The following ARHGAP35 variants were observed in gnomAD, a reference collection of about 807,000 sequenced individuals.
The protein encoded by ARHGAP35 is Rho GTPase activating protein 35.
Under a neutral mutation model 111.1 loss-of-function variants are expected in ARHGAP35, and 15 were observed. That is an observed-to-expected ratio of 0.13 (90% CI 0.09 to 0.21). The LOEUF is 0.21. Ranked by LOEUF, ARHGAP35 falls within the 10% of genes least tolerant of loss-of-function variation. The pLI is 1.00. For synonymous variants in ARHGAP35, 643 were observed against 710.3 expected (o/e 0.91, Z 1.51); for missense variants, 1,262 against 1,873.0 (o/e 0.67, Z 6.02).
At chr19:46,998,722 G>T (rs531473288) in intron 5 of ARHGAP35, among the ~76,000 whole-genome samples, 1 of 152,394 alleles carries the variant, frequency 6.6e-6, no homozygotes, top group Non-Finnish European at 1.5e-5. Flanking sequence ...GATAGGCAAA[G>T]TGTGGGCGTT....
In ARHGAP35 at chr19:46,988,240, G is replaced by C. The variant is rs757619393; in HGVS notation, c.3904+174G>C. On this transcript the variant is annotated intron_variant, in intron 4 of 6. Transcript: ENST00000672722. This position sits in a 1 kb window ranked among gnomAD's most constrained non-coding sequence, Gnocchi z 5.4. Reference sequence around the variant, plus strand: ...TGGCTGCAGCGGGGAGGAGGGGACCGGGTCCTGTCAGTGAACCGAAGCACC... The same window carrying C: ...TGGCTGCAGCGGGGAGGAGGGGACCCGGTCCTGTCAGTGAACCGAAGCACC... 1.6e-6 allele frequency: 1 copy of C among 624,344 alleles called. No homozygotes were observed. Among genetic ancestry groups the C allele is most frequent in the Non-Finnish European group, 2.8e-6 (1 of 358,428 alleles). 38.7% of individuals were successfully genotyped at this position (624,344 alleles called of 1,614,324 possible).
intron 1 of ARHGAP35, among the ~76,000 whole-genome samples, chr19:46,874,763 A>G (rs1005887907): frequency 2.0e-5 from 3 of 148,902 alleles, no homozygotes; most frequent in Non-Finnish European, 4.4e-5. Context: ...TTGGCCTCCC[A>G]AAGCGCTAGG....
At chr19:46,888,307 T>A (rs1363384723) in intron 1 of ARHGAP35, among the ~76,000 whole-genome samples, 9 of 60,288 alleles carry the variant, frequency 1.5e-4, no homozygotes, top group African/African-American at 2.6e-4. Flanking sequence ...TATATATATA[T>A]ATATATATAT....
At chr19:46,971,465 TGGTTTTTTG>T (rs2122293932) in intron 3 of ARHGAP35, among the ~76,000 whole-genome samples, 1 of 151,716 alleles carries the variant, frequency 6.6e-6, no homozygotes, top group South Asian at 2.1e-4. Context: ...ATGACTCCCT[TGGTTTTTTG>T]GGTTTTTTTT....
In ARHGAP35 at chr19:46,922,952, T is replaced by C. The variant is rs1413668946; in HGVS notation, c.3681+596T>C. Among the ~76,000 whole-genome samples, 1 of 152,210 alleles carries C rather than the reference T, an allele frequency of 6.6e-6. No individual in the cohort carries two copies. The stretch of plus-strand genomic sequence containing the variant: ...ATACCATCCAGTCTATTATTTTATC[T>C]TCAAGGGAGTTGCTGCTGCTATCAG... On this transcript the variant is annotated intron_variant, in intron 2 of 6. Transcript: ENST00000672722. This position sits in a 1 kb window ranked among gnomAD's most constrained non-coding sequence, Gnocchi z 4.0.
At chr19:46,916,625 C>A (rs2056165559) in intron 1 of ARHGAP35, among the ~76,000 whole-genome samples, 1 of 151,660 alleles carries the variant, frequency 6.6e-6, no homozygotes, top group Non-Finnish European at 1.5e-5. Flanking sequence ...TCAGGGAAAC[C>A]ATCTCGTATT....
intron 1 of ARHGAP35, among the ~76,000 whole-genome samples, chr19:46,898,327 A>G (rs1599805835): frequency 6.6e-6 from 1 of 152,194 alleles, no homozygotes; most frequent in African/African-American, 2.4e-5. Context: ...TTCCACAAAA[A>G]CTCGATTTAG....
rs2056732111 is a variant in ARHGAP35 at position 46,999,178 on chromosome 19, A to G, written c.4037-126A>G. On this transcript the variant is annotated intron_variant, in intron 5 of 6. Transcript: ENST00000672722. The surrounding 1 kb of genome is among the most constrained non-coding windows in gnomAD (Gnocchi z 5.4). The stretch of plus-strand genomic sequence containing the variant: ...GCCTTGGGCACAGGCTTTGGGGGAA[A>G]GAGTGGGGTTAGTGTCATCCAAAAG... The G allele has an allele frequency of 1.5e-6, 1 of 647,150 alleles. No individual in the cohort carries two copies. Among genetic ancestry groups the G allele is most frequent in the East Asian group, 2.7e-5 (1 of 36,504 alleles). The allele number at this position is 647,150 out of a possible 1,614,324, so 40.1% of individuals were successfully genotyped here.
At chr19:46,975,796 T>G (rs931398579) in intron 3 of ARHGAP35, among the ~76,000 whole-genome samples, 3 of 152,184 alleles carry the variant, frequency 2.0e-5, no homozygotes, top group African/African-American at 7.2e-5. Context: ...CCTCCGTGTT[T>G]CCCTCCACAT....
At chr19:46,935,455 AG>A (rs2056302445) in intron 2 of ARHGAP35, among the ~76,000 whole-genome samples, 1 of 152,184 alleles carries the variant, frequency 6.6e-6, no homozygotes, top group Admixed American at 6.5e-5. Flanking sequence ...TTGTTTGCAC[AG>A]GAAGTTCTCA....
rs149245445 is a variant in ARHGAP35 at position 47,002,707 on chromosome 19, TG to T, written c.*2021del. 0.19 allele frequency: 28,654 copies of T among 151,730 alleles called. 3,457 individuals carry two copies. The highest frequency in any genetic ancestry group is 0.28 in the Non-Finnish European group (19,122 of 67,966). 9.4% of individuals were successfully genotyped at this position (151,730 alleles called of 1,614,324 possible). A position where few individuals can be genotyped will look rare whatever the true frequency, so the allele number is the denominator to read the frequency against. ...GGTCAGCTCCTCACGTAATTGGGGG[TG>T]GAGGGAAAGCATGGTGGTGCCCTGG... On this transcript the variant is annotated 3_prime_UTR_variant, in exon 7 of 7. Transcript: ENST00000672722.
rs1020248422 is a variant in ARHGAP35 at position 46,922,939 on chromosome 19, CTAT to C, written c.3681+588_3681+590del. On this transcript the variant is annotated intron_variant, in intron 2 of 6. Transcript: ENST00000672722. The surrounding 1 kb of genome is among the most constrained non-coding windows in gnomAD (Gnocchi z 4.0). ...TTGTTAAATTGGAATACCATCCAGT[CTAT>C]TATTTTATCTTCAAGGGAGTTGCTG... 1.8e-4 allele frequency among the ~76,000 whole-genome samples: 28 copies of C among 152,222 alleles called. No homozygotes were observed. The highest frequency in any genetic ancestry group is 6.7e-4 in the African/African-American group (28 of 41,556).
In ARHGAP35 at chr19:46,888,308, ATATATATAT is replaced by A. The variant is rs1568461132; in HGVS notation, c.-189+27100_-189+27108del. On this transcript the variant is annotated intron_variant, in intron 1 of 6. Coordinates refer to ENST00000672722, the MANE Select transcript of ARHGAP35 (RefSeq NM_004491.5). ...TATATATATATATATATATATATAT[ATATATATAT>A]AAAATATTGATTTTATACACACACA... Among the ~76,000 whole-genome samples the A allele has an allele frequency of 8.7e-4, 58 of 66,916 alleles. 1 individual carries two copies. The highest frequency in any genetic ancestry group is 2.9e-3 in the South Asian group (6 of 2,042). The allele number at this position is 66,916 out of a possible 152,430, so 43.9% of individuals were successfully genotyped here.
At chr19:46,902,694 T>A (rs2056087957) in intron 1 of ARHGAP35, among the ~76,000 whole-genome samples, 1 of 152,272 alleles carries the variant, frequency 6.6e-6, no homozygotes, top group South Asian at 2.1e-4. Flanking sequence ...ACTCAGGTAG[T>A]CATGAGGCTT....
intron 1 of ARHGAP35, among the ~76,000 whole-genome samples, chr19:46,905,610 C>T (rs986178557): frequency 2.9e-4 from 43 of 149,992 alleles, no homozygotes; most frequent in African/African-American, 1.1e-3. Context: ...AGTGCAATGG[C>T]GCGATCTCAG....
chr19:46,890,822 C>T lies in ARHGAP35; in HGVS notation c.-188-27666C>T, dbSNP rs150929667. Among the ~76,000 whole-genome samples, 1,315 of 152,280 alleles carry T rather than the reference C, an allele frequency of 8.6e-3. 10 individuals are homozygous for T. The highest frequency in any genetic ancestry group is 0.014 in the Non-Finnish European group (929 of 68,024). The stretch of plus-strand genomic sequence containing the variant: ...TGACTCTATTTCTCTACTTTTCTGT[C>T]GACAACAGTATACGGTTCTGTTTGC... On this transcript the variant is annotated intron_variant, in intron 1 of 6. Transcript: ENST00000672722.
At chr19:46,873,324 T>C (rs1484765312) in intron 1 of ARHGAP35, among the ~76,000 whole-genome samples, 1 of 152,014 alleles carries the variant, frequency 6.6e-6, no homozygotes, top group Non-Finnish European at 1.5e-5. Context: ...ACCCCTAAAG[T>C]GTGCTTGTTT....
intron 1 of ARHGAP35, among the ~76,000 whole-genome samples, chr19:46,879,642 C>T (rs989492310): frequency 4.3e-5 from 2 of 46,290 alleles, no homozygotes; most frequent in Non-Finnish European, 5.1e-5. Context: ...AAATTAGCCA[C>T]GCATGGTGGT....
At chr19:46,914,539 C>T (rs2056154370) in intron 1 of ARHGAP35, among the ~76,000 whole-genome samples, 1 of 152,106 alleles carries the variant, frequency 6.6e-6, no homozygotes, top group African/African-American at 2.4e-5. Flanking sequence ...ATCACTTGAG[C>T]CCAGGAGTTG....
Sources: gnomAD v4.1 joint callset for allele counts (sites outside exome capture counted in the v4.1 genomes callset) on GRCh38, gnomAD v4.1.1 for gene constraint, Gnocchi (gnomAD v3.1) non-coding constraint, MANE v1.5 for transcripts, NCBI Gene and HGNC (gene_info 2026-07-23, HGNC 2026-07-21) for gene names.